The following UBA3 variants were observed in gnomAD, a reference collection of about 807,000 sequenced individuals.
UBA3 encodes ubiquitin like modifier activating enzyme 3, also known as NEDD8-activating enzyme E1 catalytic subunit.
Under a neutral mutation model 73.5 loss-of-function variants are expected in UBA3, and 26 were observed. That is an observed-to-expected ratio of 0.35 (90% CI 0.26 to 0.49). UBA3 has a LOEUF of 0.49. UBA3 is among the 20% of genes least tolerant of loss of function. UBA3 has a pLI of 0.98. For missense variants in UBA3, 495 were observed against 555.6 expected (o/e 0.89, Z 1.10); for synonymous variants, 217 against 191.2 (o/e 1.13, Z -1.11).
intron 6 of UBA3, among the ~76,000 whole-genome samples, chr3:69,065,982 T>TA: frequency 6.6e-6 from 1 of 152,296 alleles, no homozygotes; most frequent in South Asian, 2.1e-4. Context: ...GTTGAGTTTT[T>TA]AGAGTTCATT....
intron 1 of UBA3, 84 bp from the exon 2 acceptor site, chr3:69,080,237 G>A: frequency 2.6e-6 from 4 of 1,524,954 alleles, no homozygotes; most frequent in Non-Finnish European, 3.6e-6. Flanking sequence ...ACGGGGCGGG[G>A]GGTGTGGGGA....
intron 11 of UBA3, among the ~76,000 whole-genome samples, chr3:69,057,706 G>T (rs1477328649): frequency 6.6e-6 from 1 of 152,042 alleles, no homozygotes; most frequent in East Asian, 1.9e-4. Flanking sequence ...TTTATCCACA[G>T]CTATATACTT....
In UBA3 at chr3:69,063,514, A is replaced by G; in HGVS notation, c.473-11T>C. 1 of 1,562,082 alleles carries G rather than the reference A, an allele frequency of 6.4e-7. No individual in the cohort carries two copies. The highest frequency in any genetic ancestry group is 1.4e-5 in the African/African-American group (1 of 71,692). Reference sequence around the variant, plus strand: ...CAATAATATGAAATTCTACAAAAAAAAAAAAAAGCAACTTTAGTTTTTAAA... The same window carrying G: ...CAATAATATGAAATTCTACAAAAAAGAAAAAAAGCAACTTTAGTTTTTAAA... On this transcript the variant is annotated splice_polypyrimidine_tract_variant and intron_variant, in intron 7 of 17. Transcript: ENST00000361055.
intron 5 of UBA3, chr3:69,071,279 AAATCACAT>A (rs1209994192): frequency 3.2e-6 from 1 of 316,222 alleles, no homozygotes; most frequent in East Asian, 9.8e-5. Flanking sequence ...ATATTCCCAA[AAATCACAT>A]AAACCTTTGG....
intron 5 of UBA3, among the ~76,000 whole-genome samples, chr3:69,068,237 T>C (rs1575840244): frequency 6.6e-6 from 1 of 152,198 alleles, no homozygotes; most frequent in African/African-American, 2.4e-5. Context: ...TAATTAAGTA[T>C]TGCTTTAATT....
intron 4 of UBA3, 60 bp downstream of exon 4, chr3:69,075,366 ATAAG>A (rs1327433389): frequency 2.2e-5 from 17 of 779,974 alleles, no homozygotes; most frequent in Non-Finnish European, 2.8e-5. Flanking sequence ...AGTATGACAG[ATAAG>A]TAAGGTTTAC....
At chr3:69,065,766 GAGTA>G (rs2092065047) in intron 6 of UBA3, among the ~76,000 whole-genome samples, 1 of 151,892 alleles carries the variant, frequency 6.6e-6, no homozygotes, top group African/African-American at 2.4e-5. Flanking sequence ...GTAATTTCAA[GAGTA>G]TTATATAAAC....
chr3:69,062,743 T>C (rs2092032324), intron 9 of UBA3, among the ~76,000 whole-genome samples: 2 of 152,204 alleles, frequency 1.3e-5, no homozygotes, highest in African/African-American at 4.8e-5. Context: ...ACTTGATACC[T>C]ACTCCCCAAA....
intron 8 of UBA3, 76 bp from the exon 9 acceptor site, chr3:69,063,213 C>T (rs1000489022): frequency 6.4e-7 from 1 of 1,564,564 alleles, no homozygotes; most frequent in African/African-American, 1.4e-5. Context: ...TTCAAGTAAT[C>T]CTATGAGTCG....
chr3:69,067,777 C>A, intron 6 of UBA3, 151 bp downstream of exon 6: 3 of 505,948 alleles, frequency 5.9e-6, no homozygotes, highest in South Asian at 6.5e-5. Flanking sequence ...GAATAGATAG[C>A]AAAATGTTAC....
intron 9 of UBA3, among the ~76,000 whole-genome samples, chr3:69,062,429 A>G: frequency 6.6e-6 from 1 of 152,246 alleles, no homozygotes; most frequent in East Asian, 1.9e-4. Flanking sequence ...AGACTATGAG[A>G]AGAAAAATAC....
intron 6 of UBA3, among the ~76,000 whole-genome samples, chr3:69,066,932 A>G (rs1215840866): frequency 1.3e-5 from 2 of 152,128 alleles, no homozygotes; most frequent in Non-Finnish European, 2.9e-5. Context: ...TGGCTTCCCT[A>G]TTCTGTTCTA....
intron 5 of UBA3, among the ~76,000 whole-genome samples, chr3:69,069,460 G>C (rs2092103883): frequency 6.6e-6 from 1 of 151,980 alleles, no homozygotes; most frequent in Non-Finnish European, 1.5e-5. Flanking sequence ...CCAGAGTGCT[G>C]GGACTACGGG....
At chr3:69,075,844 G>A (rs2107500581) in intron 3 of UBA3, among the ~76,000 whole-genome samples, 1 of 152,096 alleles carries the variant, frequency 6.6e-6, no homozygotes, top group South Asian at 2.1e-4. Flanking sequence ...TGATTCTCCT[G>A]CCTCAGCTTC....
At chr3:69,057,474 C>T (rs1167959591) in intron 11 of UBA3, among the ~76,000 whole-genome samples, 165 bp from the exon 12 acceptor site, 1 of 152,200 alleles carries the variant, frequency 6.6e-6, no homozygotes, top group East Asian at 1.9e-4. Context: ...ATCCCCATCA[C>T]TTTGTAGTAA....
At chr3:69,057,941 T>TTA (rs933689964) in intron 11 of UBA3, among the ~76,000 whole-genome samples, 2 of 149,504 alleles carry the variant, frequency 1.3e-5, no homozygotes, top group African/African-American at 4.9e-5. Context: ...TTTTTTTTTT[T>TTA]TTGAGACAGA....
At chr3:69,057,627 CACA>C (rs1423759366) in intron 11 of UBA3, among the ~76,000 whole-genome samples, 2 of 152,110 alleles carry the variant, frequency 1.3e-5, no homozygotes, top group Non-Finnish European at 2.9e-5. Flanking sequence ...ATTTAATTTT[CACA>C]ACATCTTCAT....
chr3:69,077,563 A>T, intron 3 of UBA3: 1 of 391,336 alleles, frequency 2.6e-6, no homozygotes, highest in Non-Finnish European at 4.6e-6. Flanking sequence ...TGAGGTCATG[A>T]AGTTAGATTT....
intron 6 of UBA3, 81 bp from the exon 7 acceptor site, chr3:69,064,192 G>A: frequency 1.9e-6 from 2 of 1,060,814 alleles, no homozygotes; most frequent in Non-Finnish European, 2.7e-6. Flanking sequence ...AACACACTCT[G>A]CATATATTTA....
Sources: gnomAD v4.1 joint callset for allele counts (sites outside exome capture counted in the v4.1 genomes callset) on GRCh38, gnomAD v4.1.1 for gene constraint, MANE v1.5 for transcripts, NCBI Gene and HGNC (gene_info 2026-07-23, HGNC 2026-07-21) for gene names.